Variants in PRKCA observed in about 807,000 individuals in gnomAD.
PRKCA encodes protein kinase C alpha.
A neutral mutation model predicts 87.0 loss-of-function variants in PRKCA; 27 were observed. The ratio of observed to expected loss-of-function variants is 0.31; its 90% CI spans 0.23 to 0.43. PRKCA has a LOEUF of 0.43. Among genes scored for constraint, PRKCA ranks in the 20% least tolerant of loss-of-function variants. The probability of loss-of-function intolerance (pLI) is 1.00; values close to 1 mark genes in which losing one functional copy is unlikely to be tolerated. For missense variants in PRKCA, 518 were observed against 852.3 expected (o/e 0.61, Z 4.88); for synonymous variants, 329 against 311.1 (o/e 1.06, Z -0.61).
At chr17:66,423,339 G>T (rs1187957709) in intron 2 of PRKCA, among the ~76,000 whole-genome samples, 2 of 152,104 alleles carry the variant, frequency 1.3e-5, no homozygotes, top group Non-Finnish European at 2.9e-5. Flanking sequence ...GAAAAGTTGT[G>T]CTTAACATGT....
intron 3 of PRKCA, among the ~76,000 whole-genome samples, chr17:66,618,244 G>A (rs1970567994): frequency 6.6e-6 from 1 of 151,772 alleles, no homozygotes; most frequent in Non-Finnish European, 1.5e-5. Context: ...AATTCCAGCT[G>A]CTGGGGAGGC....
At chr17:66,479,594 G>A (rs545596104) in intron 2 of PRKCA, among the ~76,000 whole-genome samples, 1 of 152,156 alleles carries the variant, frequency 6.6e-6, no homozygotes, top group African/African-American at 2.4e-5. Context: ...GGAAAGACAT[G>A]GAATTAACCT....
At chr17:66,542,075 A>G (rs1175935066) in intron 3 of PRKCA, among the ~76,000 whole-genome samples, 1 of 152,180 alleles carries the variant, frequency 6.6e-6, no homozygotes, top group Non-Finnish European at 1.5e-5. Flanking sequence ...GCCCCAGGGG[A>G]GAAAGTCATT....
chr17:66,682,972 A>AACAT (rs1485308008), intron 5 of PRKCA, among the ~76,000 whole-genome samples: 3 of 152,212 alleles, frequency 2.0e-5, no homozygotes. Context: ...TTCTGAAGGT[A>AACAT]CTGTACGGAT....
intron 3 of PRKCA, among the ~76,000 whole-genome samples, chr17:66,545,830 C>A (rs16959585): frequency 0.023 from 3,537 of 152,204 alleles, 141 homozygotes; most frequent in African/African-American, 0.079. Flanking sequence ...TGAAGTGTGT[C>A]ATGTGATTGG....
intron 2 of PRKCA, among the ~76,000 whole-genome samples, chr17:66,391,962 G>A (rs909483356): frequency 1.3e-5 from 2 of 152,176 alleles, no homozygotes; most frequent in Non-Finnish European, 2.9e-5. Context: ...CGGGCACAGT[G>A]GCTCACGCCT....
At chr17:66,417,594 T>TGA (rs1912230412) in intron 2 of PRKCA, among the ~76,000 whole-genome samples, 1 of 152,148 alleles carries the variant, frequency 6.6e-6, no homozygotes, top group African/African-American at 2.4e-5. Context: ...AGAGAGCTCC[T>TGA]GCTGTCTCTT....
intron 13 of PRKCA, among the ~76,000 whole-genome samples, chr17:66,765,728 T>C (rs1050314355): frequency 6.6e-6 from 1 of 151,798 alleles, no homozygotes; most frequent in Non-Finnish European, 1.5e-5. Flanking sequence ...GACAGCTGAA[T>C]AGGGACAGTA....
At chr17:66,648,967 G>A (rs761716823) in intron 5 of PRKCA, among the ~76,000 whole-genome samples, 9 of 151,896 alleles carry the variant, frequency 5.9e-5, no homozygotes, top group Non-Finnish European at 1.3e-4. Context: ...GGTGGCATGC[G>A]CATGTAGTCC....
At chr17:66,372,962 TC>T (rs1909203570) in intron 2 of PRKCA, among the ~76,000 whole-genome samples, 1 of 147,924 alleles carries the variant, frequency 6.8e-6, no homozygotes, top group South Asian at 2.2e-4. Context: ...GAGGCTGAGT[TC>T]CAGCAGAATT....
chr17:66,543,673 C>T (rs900519192), intron 3 of PRKCA, among the ~76,000 whole-genome samples: 7 of 152,100 alleles, frequency 4.6e-5, no homozygotes, highest in Admixed American at 1.3e-4. Flanking sequence ...TGCAGAAATA[C>T]GAAGCAACAT....
At chr17:66,373,165 G>T (rs1909214709) in intron 2 of PRKCA, among the ~76,000 whole-genome samples, 1 of 152,170 alleles carries the variant, frequency 6.6e-6, no homozygotes, top group Admixed American at 6.5e-5. Flanking sequence ...GTCATGAAAA[G>T]ATGTTTGATA....
intron 2 of PRKCA, among the ~76,000 whole-genome samples, chr17:66,420,198 A>G (rs956648799): frequency 6.6e-6 from 1 of 151,654 alleles, no homozygotes; most frequent in African/African-American, 2.4e-5. Flanking sequence ...TTTAGTAGAG[A>G]CGGAGTTTCA....
In PRKCA at chr17:66,659,937, G is replaced by A. The variant is rs149284231; in HGVS notation, c.529+14426G>A. Among the ~76,000 whole-genome samples, 150 of 152,260 alleles carry A rather than the reference G, an allele frequency of 9.9e-4. 1 individual carries two copies. The Middle Eastern group carries it at 0.02, about 21-fold the overall frequency. ...TTACAGCTATCCATTATTTAAAGGCGGGAAGGTGGAGGTTACAGTCGAAGT... is the reference window on the plus strand; with the variant it reads ...TTACAGCTATCCATTATTTAAAGGCAGGAAGGTGGAGGTTACAGTCGAAGT... On this transcript the variant is annotated intron_variant, in intron 5 of 16. Coordinates refer to ENST00000413366, the MANE Select transcript of PRKCA (RefSeq NM_002737.3).
chr17:66,697,686 C>T (rs946173988), intron 8 of PRKCA, among the ~76,000 whole-genome samples: 2 of 152,110 alleles, frequency 1.3e-5, no homozygotes, highest in Non-Finnish European at 2.9e-5. Context: ...AGGCTGAGAG[C>T]AGGAAAGAGA....
intron 5 of PRKCA, among the ~76,000 whole-genome samples, chr17:66,661,673 C>G (rs745521416): frequency 6.6e-6 from 1 of 152,180 alleles, no homozygotes; most frequent in South Asian, 2.1e-4. Context: ...ATTAATCACC[C>G]TTTTTATTTA....
intron 3 of PRKCA, among the ~76,000 whole-genome samples, chr17:66,510,656 CAG>C (rs1917184508): frequency 6.6e-6 from 1 of 152,214 alleles, no homozygotes; most frequent in South Asian, 2.1e-4. Flanking sequence ...TTTGCCAGGA[CAG>C]AGACTGTCTT....
chr17:66,525,235 G>A (rs761610678), intron 3 of PRKCA, among the ~76,000 whole-genome samples: 1 of 152,132 alleles, frequency 6.6e-6, no homozygotes, highest in Non-Finnish European at 1.5e-5. Context: ...GCACCATTGA[G>A]TTAGGCCATC....
intron 2 of PRKCA, among the ~76,000 whole-genome samples, chr17:66,408,175 G>T (rs925596857): frequency 2.6e-5 from 4 of 152,186 alleles, no homozygotes; most frequent in African/African-American, 9.7e-5. Flanking sequence ...GTTGTCCAAG[G>T]CAACTATAGG....
Sources: gnomAD v4.1 joint callset for allele counts (sites outside exome capture counted in the v4.1 genomes callset) on GRCh38, gnomAD v4.1.1 for gene constraint, MANE v1.5 for transcripts, NCBI Gene and HGNC (gene_info 2026-07-23, HGNC 2026-07-21) for gene names.